The following KCNU1 variants were observed in gnomAD, a reference collection of about 807,000 sequenced individuals.
KCNU1 encodes the protein potassium channel subfamily U member 1.
Under a neutral mutation model 126.8 loss-of-function variants are expected in KCNU1, and 93 were observed. That is an observed-to-expected ratio of 0.73 (90% CI 0.62 to 0.87). KCNU1 has a LOEUF of 0.87. Ranked by LOEUF, KCNU1 falls within the 40% of genes least tolerant of loss-of-function variation. The pLI, the probability that KCNU1 is intolerant of heterozygous loss-of-function variation, is 0.00. For synonymous variants in KCNU1, 523 were observed against 494.2 expected (o/e 1.06, Z -0.77); for missense variants, 1,330 against 1,367.1 (o/e 0.97, Z 0.43).
intron 18 of KCNU1, among the ~76,000 whole-genome samples, chr8:36,848,511 T>C (rs1805229539): frequency 6.6e-6 from 1 of 152,206 alleles, no homozygotes; most frequent in Non-Finnish European, 1.5e-5. Flanking sequence ...GGATATCCAG[T>C]TTCCCCAGCA....
At chr8:36,834,185 C>T (rs1363655248) in intron 11 of KCNU1, among the ~76,000 whole-genome samples, 1 of 152,178 alleles carries the variant, frequency 6.6e-6, no homozygotes, top group African/African-American at 2.4e-5. Context: ...AAGGCAGCTT[C>T]CTGTCATGTT....
chr8:36,851,508 G>T (rs1278539393), intron 18 of KCNU1, among the ~76,000 whole-genome samples: 1 of 152,046 alleles, frequency 6.6e-6, no homozygotes, highest in Non-Finnish European at 1.5e-5. Context: ...ATGCAGAACT[G>T]TGAGTCAATT....
chr8:36,905,649 G>A, intron 19 of KCNU1, 59 bp from the exon 20 acceptor site: 1 of 912,582 alleles, frequency 1.1e-6, no homozygotes, highest in Non-Finnish European at 1.8e-6. Context: ...TTACATCTCG[G>A]CTTTGTTACA....
chr8:36,797,986 T>G (rs1284314783), intron 2 of KCNU1, among the ~76,000 whole-genome samples: 1 of 152,220 alleles, frequency 6.6e-6, no homozygotes, highest in African/African-American at 2.4e-5. Context: ...AGACGAGGCA[T>G]GAAGCCTAGA....
chr8:36,882,575 A>G (rs957842490), intron 19 of KCNU1, among the ~76,000 whole-genome samples: 4 of 151,896 alleles, frequency 2.6e-5, no homozygotes, highest in African/African-American at 7.3e-5. Context: ...AGGCTGATAC[A>G]TAAACATTTC....
At chr8:36,785,783 G>A (rs1802691289) in intron 1 of KCNU1, among the ~76,000 whole-genome samples, 1 of 152,048 alleles carries the variant, frequency 6.6e-6, no homozygotes. Context: ...TCTGCTCCAG[G>A]CAATGTTCTT....
In KCNU1 at chr8:36,909,456, T is replaced by C. The variant is rs1807776828; in HGVS notation, c.2252T>C (p.Ile751Thr). ...TATACCAGGAAGGAGCTGAAGGACA[T>C]AGTGTTCATTGGGTCTCTGGACTAT... ...SNYTRKELKDIVFIGSLDYLQ... is the reference protein window; with the variant it reads ...SNYTRKELKDTVFIGSLDYLQ... Residue 751 changes from isoleucine to threonine, a missense_variant, in exon 21 of 27, where the codon ATA (isoleucine) becomes ACA (threonine). Physicochemically the swap from Ile to Thr is moderately conservative, Grantham distance 89. Coordinates refer to ENST00000399881, the MANE Select transcript of KCNU1 (RefSeq NM_001031836.3). 1.2e-6 allele frequency: 2 copies of C among 1,613,568 alleles called. No homozygotes were observed. Among genetic ancestry groups the C allele is most frequent in the East Asian group, 4.5e-5 (2 of 44,870 alleles).
intron 2 of KCNU1, among the ~76,000 whole-genome samples, 185 bp from the exon 3 acceptor site, chr8:36,803,842 G>A (rs546595060): frequency 6.6e-6 from 1 of 152,116 alleles, no homozygotes; most frequent in African/African-American, 2.4e-5. Flanking sequence ...CTCAGAAAAG[G>A]TCCAATCAAG....
chr8:36,926,480 G>T (rs569427235), intron 24 of KCNU1, among the ~76,000 whole-genome samples: 1 of 151,890 alleles, frequency 6.6e-6, no homozygotes, highest in African/African-American at 2.4e-5. Flanking sequence ...TATTAGAGGC[G>T]CCTGCATAAG....
Position 36,909,360 on chromosome 8 carries a change from G to T in KCNU1, c.2156G>T (p.Cys719Phe). The change falls in exon 21 of 27, where the codon TGT becomes TTT. Residue 719 changes from cysteine to phenylalanine, a missense_variant. Cys to Phe is a radical substitution (Grantham distance 205, BLOSUM62 -2). Coordinates refer to ENST00000399881, the MANE Select transcript of KCNU1 (RefSeq NM_001031836.3). The stretch of plus-strand genomic sequence containing the variant: ...AAGTTTCGGAACCATATTGTAGCAT[G>T]TGTATTTGGAGATGCCCACTCAGCC... ...KYKFRNHIVA[C>F]VFGDAHSAPM... The T allele has an allele frequency of 6.2e-7, 1 of 1,613,790 alleles. No individual in the cohort carries two copies.
intron 19 of KCNU1, among the ~76,000 whole-genome samples, chr8:36,877,819 C>A (rs1489162745): frequency 5.9e-5 from 9 of 152,152 alleles, no homozygotes; most frequent in African/African-American, 1.7e-4. Flanking sequence ...AGATCAAAAT[C>A]CTTAACAATG....
At position 36,817,736 on chromosome 8, in the gene KCNU1, A is replaced by T; in HGVS notation, c.1082A>T (p.Asn361Ile). The T allele has an allele frequency of 6.2e-7, 1 of 1,604,746 alleles. No individual in the cohort carries two copies. Among genetic ancestry groups the T allele is most frequent in the Non-Finnish European group, 8.5e-7 (1 of 1,171,534 alleles). The change falls in exon 10 of 27, where the codon AAC (asparagine) becomes ATC (isoleucine). Residue 361 changes from asparagine to isoleucine, a missense_variant. By Grantham distance (149) the Asn-to-Ile change is moderately radical (BLOSUM62 -3). Coordinates refer to ENST00000399881, the MANE Select transcript of KCNU1 (RefSeq NM_001031836.3). Reference sequence around the variant, plus strand: ...CTCCGCGACAAGTCAGGAGAGATCAACACTGAAATTGTTTTCCTGGGAGAG... The same window carrying T: ...CTCCGCGACAAGTCAGGAGAGATCATCACTGAAATTGTTTTCCTGGGAGAG... ...NFLRDKSGEINTEIVFLGETP... is the reference protein window; with the variant it reads ...NFLRDKSGEIITEIVFLGETP...
intron 10 of KCNU1, among the ~76,000 whole-genome samples, chr8:36,830,908 C>A (rs1442025890): frequency 3.6e-5 from 4 of 112,328 alleles, no homozygotes; most frequent in South Asian, 7.5e-4. Context: ...TCCCTCCCCC[C>A]TCCCCCCACC....
intron 4 of KCNU1, 33 bp downstream of exon 4, chr8:36,805,318 C>T: frequency 8.0e-7 from 1 of 1,253,918 alleles, no homozygotes. Context: ...AGTGAATATC[C>T]AAACACCACA....
At position 36,915,850 on chromosome 8, in the gene KCNU1, G is replaced by T. The variant is rs950860464; in HGVS notation, c.2522-2973G>T. Among the ~76,000 whole-genome samples, 15 of 152,046 alleles carry T rather than the reference G, an allele frequency of 9.9e-5. 1 individual carries two copies. Among genetic ancestry groups the T allele is most frequent in the Non-Finnish European group, 2.9e-5 (2 of 68,030 alleles). ...CAATATCTGAAAATATTTTGTATTT[G>T]CAACATGTGGTATGTAACTGGGGCG... On this transcript the variant is annotated intron_variant, in intron 22 of 26. Transcript: ENST00000399881.
At chr8:36,928,992 T>C (rs1441054023) in intron 24 of KCNU1, 3 of 699,666 alleles carry the variant, frequency 4.3e-6, no homozygotes, top group Non-Finnish European at 7.8e-6. Context: ...GAAAACAGAA[T>C]TTAGCAATGT....
At chr8:36,900,153 A>T (rs1315617089) in intron 19 of KCNU1, among the ~76,000 whole-genome samples, 1 of 127,920 alleles carries the variant, frequency 7.8e-6, no homozygotes, top group Non-Finnish European at 1.8e-5. Flanking sequence ...GCTAAGCTGG[A>T]TGCAAGACAC....
chr8:36,933,129 C>T (rs979628712), intron 26 of KCNU1, 97 bp downstream of exon 26: 13 of 758,330 alleles, frequency 1.7e-5, no homozygotes, highest in Non-Finnish European at 2.4e-5. Context: ...AGCTCAGGGT[C>T]CACAGTTGCA....
In KCNU1 at chr8:36,864,404, T is replaced by C; in HGVS notation, c.1892T>C (p.Val631Ala). ...CACTGAGATTTCTATCCTATTGCAGTGCCATCGGTAAAGAGAATGAAAAAA... is the reference window on the plus strand; with the variant it reads ...CACTGAGATTTCTATCCTATTGCAGCGCCATCGGTAAAGAGAATGAAAAAA... ...CKSRSRQHIT[V>A]PSVKRMKKCL... Residue 631 changes from valine to alanine, a missense_variant and splice_region_variant, in exon 19 of 27, where the codon GTG becomes GCG. Transcript: ENST00000399881. The C allele has an allele frequency of 6.4e-7, 1 of 1,558,530 alleles. No individual in the cohort carries two copies. The highest frequency in any genetic ancestry group is 8.9e-7 in the Non-Finnish European group (1 of 1,129,740).
Sources: allele counts gnomAD v4.1 joint callset (sites outside exome capture counted in the v4.1 genomes callset), GRCh38; gene constraint gnomAD v4.1.1; transcripts MANE v1.5; gene names NCBI Gene and HGNC (gene_info 2026-07-23, HGNC 2026-07-21).